KLF8: variants seen among roughly 807,000 people sequenced by gnomAD.
The protein encoded by KLF8 is Krueppel-like factor 8.
In KLF8, 10 loss-of-function variants were observed where a neutral mutation model predicts 18.2. The ratio of observed to expected loss-of-function variants is 0.55; its 90% CI spans 0.34 to 0.93. The LOEUF is 0.93. Ranked by LOEUF, KLF8 falls within the 40% of genes least tolerant of loss-of-function variation. The probability of loss-of-function intolerance (pLI) is 0.02; values close to 1 mark genes in which losing one functional copy is unlikely to be tolerated. For missense variants in KLF8, 264 were observed against 277.9 expected, an observed-to-expected ratio of 0.95 and a Z score of 0.36; for synonymous variants, 109 against 97.3, an observed-to-expected ratio of 1.12 and a Z score of -0.71.
the KLF8 span, among the ~76,000 whole-genome samples, chrX:56,072,676 T>C: frequency 8.9e-6 from 1 of 112,439 alleles, no homozygotes; most frequent in Non-Finnish European, 1.9e-5. Context: ...AAAACATTCA[T>C]TCTGTAAAAA....
chrX:56,021,844 T>G, the KLF8 span, among the ~76,000 whole-genome samples: 1 of 110,258 alleles, frequency 9.1e-6, no homozygotes, highest in Non-Finnish European at 1.9e-5. Context: ...TGTGCTTTGC[T>G]GAGGGAACAG....
At chrX:56,276,175 C>G (rs1040035272) in intron 5 of KLF8, among the ~76,000 whole-genome samples, 1 of 107,280 alleles carries the variant, frequency 9.3e-6, no homozygotes, top group African/African-American at 3.4e-5. Flanking sequence ...AAGTCTCACT[C>G]TGTTGCCCAG....
chrX:56,112,288 C>G, the KLF8 span, among the ~76,000 whole-genome samples: 1,061 of 111,035 alleles, frequency 9.6e-3, 10 homozygotes, highest in South Asian at 0.03. Flanking sequence ...ACAGTGAGAA[C>G]ACATGGATAC....
chrX:55,970,083 C>T, the KLF8 span, among the ~76,000 whole-genome samples: 1 of 110,725 alleles, frequency 9.0e-6, no homozygotes, highest in East Asian at 2.8e-4. Context: ...TTCTATGAGG[C>T]CAGTATTACT....
chrX:56,188,385 G>A, the KLF8 span, among the ~76,000 whole-genome samples: 2 of 110,570 alleles, frequency 1.8e-5, no homozygotes, highest in Non-Finnish European at 3.8e-5. Flanking sequence ...ACAAAAAAAT[G>A]GTAGAACATT....
the KLF8 span, among the ~76,000 whole-genome samples, chrX:56,104,321 C>T: frequency 9.0e-6 from 1 of 111,108 alleles, no homozygotes; most frequent in Non-Finnish European, 1.9e-5. Context: ...TGGTAGAATT[C>T]GGTTGTGAAT....
At position 56,290,950 on chromosome X, in the gene KLF8, G is replaced by T. The variant is rs1219338340; in HGVS notation, c.*6456G>T. ...CCTTCCTTTCCTAGAGTCGCTACAA[G>T]TAGCTGTGTTGGACATTACTTTATA... On this transcript the variant is annotated 3_prime_UTR_variant, in exon 6 of 6. Transcript: ENST00000468660. 9.0e-6 allele frequency among the ~76,000 whole-genome samples: 1 copy of T among 111,171 alleles called. No individual in the cohort carries two copies. Among genetic ancestry groups the T allele is most frequent in the African/African-American group, 3.3e-5 (1 of 30,607 alleles).
At chrX:56,188,915 C>G in the KLF8 span, among the ~76,000 whole-genome samples, 1 of 111,833 alleles carries the variant, frequency 8.9e-6, no homozygotes, top group Non-Finnish European at 1.9e-5. Flanking sequence ...ACCATAAAAA[C>G]CCTAGAAGAA....
chrX:55,965,443 T>G, the KLF8 span, among the ~76,000 whole-genome samples: 3 of 111,568 alleles, frequency 2.7e-5, no homozygotes, highest in African/African-American at 9.8e-5. Context: ...GAATGGGCAA[T>G]TGCTGGACCC....
the KLF8 span, among the ~76,000 whole-genome samples, chrX:56,098,784 G>A: frequency 1.8e-5 from 2 of 111,292 alleles, no homozygotes; most frequent in Admixed American, 9.6e-5. Flanking sequence ...TGGAAGAGAA[G>A]CATTAAAATT....
chrX:56,162,782 C>T, the KLF8 span, among the ~76,000 whole-genome samples: 1 of 111,034 alleles, frequency 9.0e-6, no homozygotes, highest in Non-Finnish European at 1.9e-5. Context: ...TGTCCTGCTC[C>T]CACTTTCTGA....
chrX:56,115,135 C>T, the KLF8 span, among the ~76,000 whole-genome samples: 1 of 109,673 alleles, frequency 9.1e-6, no homozygotes, highest in Non-Finnish European at 1.9e-5. Context: ...TTTTTTTGGC[C>T]AGGCACGCTG....
the KLF8 span, among the ~76,000 whole-genome samples, chrX:56,173,773 A>C: frequency 0.013 from 1,390 of 111,107 alleles, 9 homozygotes; most frequent in Non-Finnish European, 0.016. Context: ...CTTTTATTTC[A>C]TTGAGCAGTG....
chrX:56,221,759 T>C, the KLF8 span, among the ~76,000 whole-genome samples: 2 of 111,635 alleles, frequency 1.8e-5, no homozygotes, highest in African/African-American at 6.5e-5. Context: ...ATAAAGGCAG[T>C]GTGGACCCAA....
chrX:56,054,296 A>C, the KLF8 span, among the ~76,000 whole-genome samples: 4 of 110,878 alleles, frequency 3.6e-5, no homozygotes, highest in Non-Finnish European at 7.6e-5. Flanking sequence ...TCTTTATTCT[A>C]ATTAGTCTGA....
At chrX:56,054,405 T>A in the KLF8 span, among the ~76,000 whole-genome samples, 1 of 111,945 alleles carries the variant, frequency 8.9e-6, no homozygotes, top group Admixed American at 9.5e-5. Context: ...TTTGAATGAA[T>A]TTTTTAGTCC....
chrX:56,092,034 G>T, the KLF8 span, among the ~76,000 whole-genome samples: 1 of 106,002 alleles, frequency 9.4e-6, no homozygotes, highest in Non-Finnish European at 1.9e-5. Flanking sequence ...GTGTAAGATG[G>T]TATCTGATTG....
At chrX:55,995,745 C>T in the KLF8 span, among the ~76,000 whole-genome samples, 2 of 111,813 alleles carry the variant, frequency 1.8e-5, no homozygotes, top group Non-Finnish European at 3.8e-5. Flanking sequence ...GCTGAAACTT[C>T]CACTGTTATT....
chrX:56,094,769 G>A, the KLF8 span, among the ~76,000 whole-genome samples: 1 of 110,982 alleles, frequency 9.0e-6, no homozygotes, highest in Admixed American at 9.6e-5. Context: ...AACAACAATG[G>A]AATTAAACTA....
Sources: gnomAD v4.1 joint callset for allele counts (sites outside exome capture counted in the v4.1 genomes callset) on GRCh38, gnomAD v4.1.1 for gene constraint, MANE v1.5 for transcripts, NCBI Gene and HGNC (gene_info 2026-07-23, HGNC 2026-07-21) for gene names.